The following CES2 variants were observed in gnomAD, a reference collection of about 807,000 sequenced individuals.
The protein encoded by CES2 is carboxylesterase 2, also known as cocaine esterase.
Under a neutral mutation model 52.1 loss-of-function variants are expected in CES2, and 42 were observed. That is an observed-to-expected ratio of 0.81 (90% confidence interval 0.63 to 1.04). The LOEUF is 1.04. CES2 is among the 50% of genes least tolerant of loss of function. CES2 has a pLI of 0.00. For missense variants in CES2, 656 were observed against 724.3 expected (o/e 0.91, Z 1.08); for synonymous variants, 277 against 289.6 (o/e 0.96, Z 0.44).
intron 1 of CES2, 121 bp from the exon 2 acceptor site, chr16:66,937,916 A>G (rs568310869): frequency 3.8e-6 from 3 of 786,128 alleles, no homozygotes; most frequent in African/African-American, 3.4e-5. Context: ...TGTAAAGCCC[A>G]TGTTTACAGA....
In CES2 at chr16:66,943,906, A is replaced by G. The variant is rs1442541712; in HGVS notation, c.1561A>G (p.Asn521Asp). Residue 521 changes from asparagine (N) to aspartate (D), a missense_variant, in exon 12 of 12, where the codon AAC becomes GAC. Asn to Asp is a conservative substitution (Grantham distance 23, BLOSUM62 1). Coordinates refer to ENST00000317091, the MANE Select transcript of CES2 (RefSeq NM_001365405.1). This position sits in a 1 kb window ranked among gnomAD's most constrained non-coding sequence, Gnocchi z 4.2. Reference sequence around the variant, plus strand: ...CCAGGAGGAGCAATACCTGCAGCTGAACCTACAGCCTGCGGTGGGCCGGGC... The same window carrying G: ...CCAGGAGGAGCAATACCTGCAGCTGGACCTACAGCCTGCGGTGGGCCGGGC... Reference protein sequence around the residue: ...FDQEEQYLQLNLQPAVGRALK... With the variant: ...FDQEEQYLQLDLQPAVGRALK... 1.9e-6 allele frequency: 3 copies of G among 1,610,208 alleles called. No homozygotes were observed. Among genetic ancestry groups the G allele is most frequent in the Non-Finnish European group, 2.5e-6 (3 of 1,177,284 alleles).
chr16:66,936,750 C>T (rs1013564094), intron 1 of CES2, among the ~76,000 whole-genome samples: 11 of 152,058 alleles, frequency 7.2e-5, no homozygotes, highest in Admixed American at 1.3e-4. Flanking sequence ...ATTTAATTTG[C>T]GCAGGTGGAG....
At position 66,943,592 on chromosome 16, in the gene CES2, C is replaced by T; in HGVS notation, c.1493+221C>T. ...CTGGAGGGTGGGCGCCAGTGCTGTG[C>T]CACCGTCAGGGCCTCCCTCTCAGAG... is the stretch of plus-strand genomic sequence containing the variant. On this transcript the variant is annotated intron_variant, in intron 11 of 11. Transcript: ENST00000317091. This position sits in a 1 kb window ranked among gnomAD's most constrained non-coding sequence, Gnocchi z 4.2. The T allele has an allele frequency of 1.7e-6, 1 of 594,230 alleles. No homozygotes were observed. The highest frequency in any genetic ancestry group is 3.0e-6 in the Non-Finnish European group (1 of 338,612). 36.8% of individuals were successfully genotyped at this position (594,230 alleles called of 1,614,324 possible).
In CES2 at chr16:66,943,077, G is replaced by A. The variant is rs181246997; in HGVS notation, c.1421-222G>A. ...CAGTGACTCCCAGAGATAGAAGGAA[G>A]AAGGGGCCTTTGGGGCCATGAAGGA... On this transcript the variant is annotated intron_variant, in intron 10 of 11. Coordinates refer to ENST00000317091, the MANE Select transcript of CES2 (RefSeq NM_001365405.1). This position sits in a 1 kb window ranked among gnomAD's most constrained non-coding sequence, Gnocchi z 4.2. Among the ~76,000 whole-genome samples the A allele has an allele frequency of 1.4e-3, 211 of 152,350 alleles. No individual in the cohort carries two copies. The highest frequency in any genetic ancestry group is 4.6e-3 in the African/African-American group (191 of 41,586).
chr16:66,939,490 A>G (rs981891403), intron 3 of CES2, 132 bp downstream of exon 3: 11 of 975,856 alleles, frequency 1.1e-5, no homozygotes, highest in Admixed American at 2.0e-5. Flanking sequence ...CAGGTCCAAG[A>G]AATGCTCCTT....
intron 1 of CES2, among the ~76,000 whole-genome samples, chr16:66,936,502 G>A (rs1162767753): frequency 6.6e-6 from 1 of 152,110 alleles, no homozygotes; most frequent in Admixed American, 6.5e-5. Context: ...TCCAGCCTGG[G>A]TGAAAAAGCA....
At chr16:66,937,945 A>C (rs533733014) in intron 1 of CES2, 92 bp from the exon 2 acceptor site, 2 of 1,033,694 alleles carry the variant, frequency 1.9e-6, no homozygotes, top group East Asian at 4.8e-5. Flanking sequence ...CCTTGAGCTA[A>C]GATGAGGATG....
intron 6 of CES2, 141 bp downstream of exon 6, chr16:66,941,363 C>T (rs912283810): frequency 4.0e-6 from 6 of 1,510,032 alleles, no homozygotes; most frequent in East Asian, 2.4e-5. Context: ...GACTGAAGGT[C>T]GGTGCATGCT....
At chr16:66,940,827 G>C in intron 5 of CES2, 132 bp downstream of exon 5, 1 of 1,231,108 alleles carries the variant, frequency 8.1e-7, no homozygotes, top group Non-Finnish European at 1.1e-6. Context: ...CCGTGGAATT[G>C]CTGGGGGGCT....
intron 5 of CES2, among the ~76,000 whole-genome samples, 196 bp from the exon 6 acceptor site, chr16:66,940,928 C>T (rs28382821): frequency 0.013 from 1,952 of 152,330 alleles, 47 homozygotes; most frequent in African/African-American, 0.045. Flanking sequence ...GGATCCCCAC[C>T]ATGAGGAGAA....
At position 66,938,235 on chromosome 16, in the gene CES2, C is replaced by T. The variant is rs757548111; in HGVS notation, c.275C>T (p.Pro92Leu). The T allele has an allele frequency of 8.7e-6, 14 of 1,612,900 alleles. No individual in the cohort carries two copies. Among genetic ancestry groups the T allele is most frequent in the African/African-American group, 5.3e-5 (4 of 74,900 alleles). ...WSGVRDGTTH[P>L]AMCLQDLTAV... is the part of the protein sequence containing the mutation. Reference sequence around the variant, plus strand: ...GGTGTGAGGGATGGAACCACCCATCCGGCCATGTAAGCTCTCCAAGGGGTC... The same window carrying T: ...GGTGTGAGGGATGGAACCACCCATCTGGCCATGTAAGCTCTCCAAGGGGTC... Residue 92 changes from proline to leucine, a missense_variant, in exon 2 of 12, where the codon CCG becomes CTG. Coordinates refer to ENST00000317091, the MANE Select transcript of CES2 (RefSeq NM_001365405.1).
chr16:66,942,900 A>T, intron 10 of CES2, 115 bp downstream of exon 10: 1 of 1,539,880 alleles, frequency 6.5e-7, no homozygotes, highest in African/African-American at 1.4e-5. Context: ...AGAGGATGAG[A>T]TCAGGTGTCC....
chr16:66,941,351 G>A (rs1243832536), intron 6 of CES2, 129 bp downstream of exon 6: 37 of 1,516,126 alleles, frequency 2.4e-5, no homozygotes, highest in South Asian at 6.4e-5. Flanking sequence ...GCCCTGGGTC[G>A]GGACTGAAGG....
Position 66,944,427 on chromosome 16 carries a change from A to G in CES2, c.*402A>G, listed in dbSNP as rs1963444602. On this transcript the variant is annotated 3_prime_UTR_variant, in exon 12 of 12. Coordinates refer to ENST00000317091, the MANE Select transcript of CES2 (RefSeq NM_001365405.1). ...AGCAAAGAAAACAAAATATAAGGGA[A>G]AAATATGAGAAAAATAAAAATAAAA... is the stretch of plus-strand genomic sequence containing the variant. The G allele has an allele frequency of 6.4e-6, 1 of 155,118 alleles. No individual in the cohort carries two copies. The highest frequency in any genetic ancestry group is 6.5e-5 in the Admixed American group (1 of 15,366). The allele number at this position is 155,118 out of a possible 1,614,324, so 9.6% of individuals were successfully genotyped here.
intron 1 of CES2, among the ~76,000 whole-genome samples, chr16:66,937,260 G>A (rs1211161690): frequency 1.3e-5 from 2 of 152,162 alleles, no homozygotes; most frequent in African/African-American, 4.8e-5. Flanking sequence ...TACAGGTGAT[G>A]TGTGCCATCC....
chr16:66,939,376 G>T lies in CES2; in HGVS notation c.423+18G>T, dbSNP rs778899111. On this transcript the variant is annotated intron_variant, in intron 3 of 11. Coordinates refer to ENST00000317091, the MANE Select transcript of CES2 (RefSeq NM_001365405.1). The stretch of plus-strand genomic sequence containing the variant: ...ACCTGCCGGTGGGTGTCAGGCCACA[G>T]TTCACTGGGGGTTGGAGGACAGTTC... 1 of 1,613,592 alleles carries T rather than the reference G, an allele frequency of 6.2e-7. No individual in the cohort carries two copies. Among genetic ancestry groups the T allele is most frequent in the Non-Finnish European group, 8.5e-7 (1 of 1,179,664 alleles).
In CES2 at chr16:66,943,798, A is replaced by G. The variant is rs780788744; in HGVS notation, c.1494-41A>G. The G allele has an allele frequency of 6.6e-7, 1 of 1,517,736 alleles. No homozygotes were observed. The highest frequency in any genetic ancestry group is 1.3e-5 in the South Asian group (1 of 79,402). 94.0% of individuals were successfully genotyped at this position (1,517,736 alleles called of 1,614,324 possible). A position where few individuals can be genotyped will look rare whatever the true frequency, so the allele number is the denominator to read the frequency against. ...TCAGGTCTGGGCTTCGGGGGCCCAGAGTGACCCTCATACTGCCCTGCTGGG... is the reference window on the plus strand; with the variant it reads ...TCAGGTCTGGGCTTCGGGGGCCCAGGGTGACCCTCATACTGCCCTGCTGGG... On this transcript the variant is annotated intron_variant, in intron 11 of 11. Transcript: ENST00000317091. The surrounding 1 kb of genome is among the most constrained non-coding windows in gnomAD (Gnocchi z 4.2).
Position 66,943,792 on chromosome 16 carries a change from G to T in CES2, c.1494-47G>T, listed in dbSNP as rs1197506071. 3.3e-6 allele frequency: 5 copies of T among 1,493,930 alleles called. No individual in the cohort carries two copies. In the South Asian group the frequency reaches 5.2e-5, roughly 15 times the overall value. The allele number at this position is 1,493,930 out of a possible 1,614,324, so 92.5% of individuals were successfully genotyped here. A position where few individuals can be genotyped will look rare whatever the true frequency, so the allele number is the denominator to read the frequency against. On this transcript the variant is annotated intron_variant, in intron 11 of 11. Coordinates refer to ENST00000317091, the MANE Select transcript of CES2 (RefSeq NM_001365405.1). The surrounding 1 kb of genome is among the most constrained non-coding windows in gnomAD (Gnocchi z 4.2). ...GGGTGCTCAGGTCTGGGCTTCGGGGGCCCAGAGTGACCCTCATACTGCCCT... is the reference window on the plus strand; with the variant it reads ...GGGTGCTCAGGTCTGGGCTTCGGGGTCCCAGAGTGACCCTCATACTGCCCT...
rs755685960 is a variant in CES2 at position 66,940,428 on chromosome 16, A to G, written c.558-9A>G. The G allele has an allele frequency of 1.2e-6, 2 of 1,613,994 alleles. No individual in the cohort carries two copies. Among genetic ancestry groups the G allele is most frequent in the Non-Finnish European group, 1.7e-6 (2 of 1,179,874 alleles). Reference sequence around the variant, plus strand: ...CAGCCCTGTGATCCCTGTCCCTGCTACTTCTCAGCACTGGAGACAAGCACG... The same window carrying G: ...CAGCCCTGTGATCCCTGTCCCTGCTGCTTCTCAGCACTGGAGACAAGCACG... On this transcript the variant is annotated splice_polypyrimidine_tract_variant and intron_variant, in intron 4 of 11. Coordinates refer to ENST00000317091, the MANE Select transcript of CES2 (RefSeq NM_001365405.1).
Sources: allele counts gnomAD v4.1 joint callset (sites outside exome capture counted in the v4.1 genomes callset), GRCh38; gene constraint gnomAD v4.1.1; non-coding constraint Gnocchi (gnomAD v3.1); transcripts MANE v1.5; gene names NCBI Gene and HGNC (gene_info 2026-07-23, HGNC 2026-07-21).